Variants in KHDRBS2 observed in about 807,000 individuals in gnomAD.
KHDRBS2 encodes KH RNA binding domain containing, signal transduction associated 2, also known as KH domain-containing, RNA-binding, signal transduction-associated protein 2.
A neutral mutation model predicts 44.3 loss-of-function variants in KHDRBS2; 26 were observed. The observed-to-expected ratio is 0.59, with a 90% CI of 0.43 to 0.81. KHDRBS2 has a LOEUF of 0.81. Among genes scored for constraint, KHDRBS2 ranks in the 40% least tolerant of loss-of-function variants. The pLI is 0.00. For missense variants in KHDRBS2, 476 were observed against 433.1 expected (o/e 1.10, Z -0.88); for synonymous variants, 194 against 151.1 (o/e 1.28, Z -2.08).
At chr6:62,057,152 T>C (rs1790475213) in intron 2 of KHDRBS2, among the ~76,000 whole-genome samples, 3 of 151,792 alleles carry the variant, frequency 2.0e-5, no homozygotes, top group Admixed American at 6.6e-5. Flanking sequence ...TTTCTTTTAA[T>C]GTGCATGTTT....
chr6:62,067,534 A>G (rs1368540988), intron 2 of KHDRBS2, among the ~76,000 whole-genome samples: 1 of 151,544 alleles, frequency 6.6e-6, no homozygotes, highest in Non-Finnish European at 1.5e-5. Context: ...AGAGCCCTCC[A>G]GAAAGTCTCA....
At chr6:61,836,413 T>C (rs888395901) in intron 6 of KHDRBS2, among the ~76,000 whole-genome samples, 3 of 151,990 alleles carry the variant, frequency 2.0e-5, no homozygotes, top group African/African-American at 7.2e-5. Flanking sequence ...ATCTGAAGAG[T>C]TGGCAAAATG....
At chr6:61,606,660 T>C in the KHDRBS2 span, among the ~76,000 whole-genome samples, 1 of 152,108 alleles carries the variant, frequency 6.6e-6, no homozygotes, top group East Asian at 1.9e-4. Flanking sequence ...GCTAGCAAAG[T>C]AGGTCTTGTT....
chr6:62,254,334 C>T (rs748959706), intron 1 of KHDRBS2, among the ~76,000 whole-genome samples: 9 of 152,038 alleles, frequency 5.9e-5, no homozygotes, highest in Non-Finnish European at 1.0e-4. Context: ...ATTCCAAGTA[C>T]ACTTCTAGGT....
At chr6:62,238,239 G>T (rs1834023127) in intron 1 of KHDRBS2, among the ~76,000 whole-genome samples, 1 of 152,050 alleles carries the variant, frequency 6.6e-6, no homozygotes, top group Admixed American at 6.6e-5. Context: ...GCATCTTTGT[G>T]TACAGGGTTG....
intron 1 of KHDRBS2, among the ~76,000 whole-genome samples, chr6:62,267,731 T>C (rs1193095389): frequency 6.6e-6 from 1 of 152,050 alleles, no homozygotes; most frequent in Non-Finnish European, 1.5e-5. Flanking sequence ...TCCCCCCATG[T>C]GGATCTTAAA....
At chr6:61,600,492 C>A in the KHDRBS2 span, among the ~76,000 whole-genome samples, 12 of 152,282 alleles carry the variant, frequency 7.9e-5, no homozygotes, top group African/African-American at 2.9e-4. Flanking sequence ...CCACTACCCA[C>A]CCAAATCTTA....
the KHDRBS2 span, among the ~76,000 whole-genome samples, chr6:61,621,171 C>T: frequency 6.6e-6 from 1 of 152,290 alleles, no homozygotes; most frequent in East Asian, 1.9e-4. Context: ...AAATCCGTGG[C>T]AGAAGATGGA....
intron 2 of KHDRBS2, among the ~76,000 whole-genome samples, chr6:62,147,779 C>A (rs192120825): frequency 6.6e-6 from 1 of 151,952 alleles, no homozygotes; most frequent in Non-Finnish European, 1.5e-5. Context: ...ACAGCAGTAT[C>A]TTTTTCTCTT....
chr6:61,979,330 C>T (rs556238808), intron 3 of KHDRBS2, among the ~76,000 whole-genome samples: 2 of 152,026 alleles, frequency 1.3e-5, no homozygotes, highest in African/African-American at 2.4e-5. Flanking sequence ...ACAGAAACAA[C>T]CAGCAGCTAC....
intron 1 of KHDRBS2, among the ~76,000 whole-genome samples, chr6:62,278,472 C>T (rs1433692619): frequency 6.6e-6 from 1 of 152,112 alleles, no homozygotes; most frequent in African/African-American, 2.4e-5. Context: ...ATAGAGAATA[C>T]TACTGTGTCC....
chr6:62,103,254 T>C (rs1200949210), intron 2 of KHDRBS2, among the ~76,000 whole-genome samples: 2 of 152,024 alleles, frequency 1.3e-5, no homozygotes, highest in Non-Finnish European at 2.9e-5. Flanking sequence ...CCTAGAAACC[T>C]GTCTGCCTCT....
At chr6:61,940,277 A>C (rs1811887452) in intron 4 of KHDRBS2, among the ~76,000 whole-genome samples, 1 of 152,068 alleles carries the variant, frequency 6.6e-6, no homozygotes. Context: ...CACATTAAAA[A>C]CCTATATGGA....
At chr6:61,584,343 C>A in the KHDRBS2 span, among the ~76,000 whole-genome samples, 2 of 151,712 alleles carry the variant, frequency 1.3e-5, no homozygotes, top group Admixed American at 1.3e-4. Flanking sequence ...TACATTAGCT[C>A]TAAGTTTTTC....
chr6:61,563,454 G>C, the KHDRBS2 span, among the ~76,000 whole-genome samples: 1 of 152,044 alleles, frequency 6.6e-6, no homozygotes, highest in African/African-American at 2.4e-5. Flanking sequence ...GCCTTACAGA[G>C]ATTTCTGTTT....
At position 61,903,623 on chromosome 6, in the gene KHDRBS2, C is replaced by T. The variant is rs565305167; in HGVS notation, c.484-2252G>A. Among the ~76,000 whole-genome samples, 8 of 152,166 alleles carry T rather than the reference C, an allele frequency of 5.3e-5. No homozygotes were observed. The South Asian group carries it at 1.0e-3, about 20-fold the overall frequency. ...GACTAAGCCAATTTGTTCAGGATTC[C>T]CTGCATCCATATCCTTAGATAGTTT... On this transcript the variant is annotated intron_variant, in intron 4 of 8. Coordinates refer to ENST00000281156, the MANE Select transcript of KHDRBS2 (RefSeq NM_152688.4).
At chr6:61,967,778 G>T (rs1041163446) in intron 4 of KHDRBS2, among the ~76,000 whole-genome samples, 4 of 151,266 alleles carry the variant, frequency 2.6e-5, no homozygotes, top group African/African-American at 9.7e-5. Flanking sequence ...TATTTTGCCT[G>T]CTCTTAAAAT....
At chr6:61,974,395 T>C (rs1287310162) in intron 4 of KHDRBS2, among the ~76,000 whole-genome samples, 1 of 134,394 alleles carries the variant, frequency 7.4e-6, no homozygotes, top group East Asian at 2.7e-4. Context: ...TACCTCTTTA[T>C]AGAATATAAA....
intron 8 of KHDRBS2, among the ~76,000 whole-genome samples, chr6:61,681,476 A>C (rs1015023045): frequency 2.0e-5 from 3 of 151,850 alleles, no homozygotes; most frequent in African/African-American, 7.2e-5. Flanking sequence ...CTGATTAGAA[A>C]ACTCTATGGG....
Sources: gnomAD v4.1 joint callset for allele counts (sites outside exome capture counted in the v4.1 genomes callset) on GRCh38, gnomAD v4.1.1 for gene constraint, MANE v1.5 for transcripts, NCBI Gene and HGNC (gene_info 2026-07-23, HGNC 2026-07-21) for gene names.